Variants in OGA observed in about 807,000 individuals in gnomAD.
OGA encodes protein O-GlcNAcase.
A neutral mutation model predicts 102.0 loss-of-function variants in OGA; 21 were observed. The observed-to-expected ratio is 0.21, with a 90% CI of 0.15 to 0.30. The LOEUF (loss-of-function observed/expected upper bound fraction) is 0.30, where lower values mean the gene tolerates loss of function less well. Ranked by LOEUF, OGA falls within the 10% of genes least tolerant of loss-of-function variation. The probability of loss-of-function intolerance (pLI) is 1.00; values close to 1 mark genes in which losing one functional copy is unlikely to be tolerated. For missense variants in OGA, 765 were observed against 1,107.8 expected (o/e 0.69, Z 4.39); for synonymous variants, 408 against 378.2 (o/e 1.08, Z -0.91).
intron 6 of OGA, among the ~76,000 whole-genome samples, chr10:101,805,636 CA>C (rs2065459459): frequency 8.3e-6 from 1 of 120,386 alleles, no homozygotes; most frequent in Non-Finnish European, 1.6e-5. Flanking sequence ...GCCTGGGCAA[CA>C]AGAGCAATGC....
intron 14 of OGA, among the ~76,000 whole-genome samples, chr10:101,789,224 C>A (rs1247887158): frequency 6.6e-6 from 1 of 152,172 alleles, no homozygotes; most frequent in African/African-American, 2.4e-5. Flanking sequence ...TGAGGCCAGG[C>A]GCGGTGGCTC....
chr10:101,793,150 C>T (rs1010621679), intron 11 of OGA, among the ~76,000 whole-genome samples: 1 of 152,178 alleles, frequency 6.6e-6, no homozygotes, highest in African/African-American at 2.4e-5. Context: ...CTCTGAGTTA[C>T]AGCTTTAGTG....
chr10:101,785,999 C>T lies in OGA; in HGVS notation c.*452G>A, dbSNP rs894876533. 1.3e-5 allele frequency: 2 copies of T among 152,734 alleles called. No individual in the cohort carries two copies. The highest frequency in any genetic ancestry group is 2.4e-5 in the African/African-American group (1 of 41,460). The allele number at this position is 152,734 out of a possible 1,614,324, so 9.5% of individuals were successfully genotyped here. ...CACTTGGAATCACTCCACCCTGACA[C>T]TTCTGAAACCCACTCTTTCTTTCTT... On this transcript the variant is annotated 3_prime_UTR_variant, in exon 16 of 16. Transcript: ENST00000361464.
intron 10 of OGA, among the ~76,000 whole-genome samples, chr10:101,795,135 A>C (rs2065300235): frequency 6.6e-6 from 1 of 152,224 alleles, no homozygotes; most frequent in African/African-American, 2.4e-5. Context: ...AACCTGTCCC[A>C]TTCCGTAACT....
At chr10:101,804,634 A>G (rs1188431397) in intron 6 of OGA, among the ~76,000 whole-genome samples, 2 of 152,020 alleles carry the variant, frequency 1.3e-5, no homozygotes, top group Non-Finnish European at 2.9e-5. Context: ...TCTGTTACCC[A>G]GGCTGAAGTG....
chr10:101,792,382 T>C (rs2065269916), intron 12 of OGA, among the ~76,000 whole-genome samples: 1 of 152,058 alleles, frequency 6.6e-6, no homozygotes, highest in African/African-American at 2.4e-5. Flanking sequence ...CTCAGGTGAT[T>C]TGCCCACCTC....
intron 3 of OGA, 102 bp downstream of exon 3, chr10:101,812,928 A>G (rs767900052): frequency 2.0e-6 from 2 of 987,508 alleles, no homozygotes; most frequent in Non-Finnish European, 3.2e-6. Context: ...AACTACCTAC[A>G]AAATAAAAAT....
In OGA at chr10:101,799,306, T is replaced by G. The variant is rs1272468597; in HGVS notation, c.1345A>C (p.Thr449Pro). The stretch of plus-strand genomic sequence containing the variant: ...TTTTCTTCTTCCTTGGTCAGAGTAG[T>G]AGGCTCACCACTCAAGGCTGCTCCC... Reference protein sequence around the residue: ...SQGAALSGEPTTLTKEEEKKQ... With the variant: ...SQGAALSGEPPTLTKEEEKKQ... Residue 449 changes from threonine to proline, a missense_variant, in exon 9 of 16, where the codon ACT (threonine) becomes CCT (proline). Transcript: ENST00000361464. The G allele has an allele frequency of 4.3e-6, 7 of 1,614,178 alleles. No homozygotes were observed. The highest frequency in any genetic ancestry group is 5.9e-6 in the Non-Finnish European group (7 of 1,180,030).
At chr10:101,805,879 T>C (rs942134479) in intron 6 of OGA, among the ~76,000 whole-genome samples, 166 bp downstream of exon 6, 2 of 151,776 alleles carry the variant, frequency 1.3e-5, no homozygotes, top group East Asian at 3.9e-4. Flanking sequence ...GGTGTGAACC[T>C]GGGAGGCGGA....
chr10:101,812,883 A>G (rs1249012841), intron 3 of OGA, 147 bp downstream of exon 3: 4 of 727,600 alleles, frequency 5.5e-6, no homozygotes, highest in Non-Finnish European at 9.9e-6. Flanking sequence ...TTTCAATCTC[A>G]GCTAACTGAA....
chr10:101,810,934 G>A (rs1000234527), intron 3 of OGA, among the ~76,000 whole-genome samples: 1 of 151,400 alleles, frequency 6.6e-6, no homozygotes, highest in Non-Finnish European at 1.5e-5. Flanking sequence ...CAAGTGATCC[G>A]CCTGCCTTAG....
chr10:101,812,579 AT>A (rs1433631035), intron 3 of OGA, among the ~76,000 whole-genome samples: 9 of 152,212 alleles, frequency 5.9e-5, no homozygotes, highest in Non-Finnish European at 1.2e-4. Flanking sequence ...AAATTTTAGC[AT>A]TGTGTACATC....
Position 101,798,092 on chromosome 10 carries a change from C to T in OGA, c.1872G>A (p.Met624Ile). The T allele has an allele frequency of 6.2e-7, 1 of 1,614,124 alleles. No individual in the cohort carries two copies. Among genetic ancestry groups the T allele is most frequent in the Non-Finnish European group, 8.5e-7 (1 of 1,180,008 alleles). ...TGGCACAATTGGAGAGCCGAGTGAA[C>T]ATTCCCATCACTAGTCCACACATCT... ...FEEMCGLVMG[M>I]FTRLSNCANR... Residue 624 changes from methionine to isoleucine, a missense_variant, in exon 10 of 16, where the codon ATG becomes ATA. Met to Ile is a conservative substitution (Grantham distance 10). Coordinates refer to ENST00000361464, the MANE Select transcript of OGA (RefSeq NM_012215.5).
chr10:101,800,423 G>A lies in OGA; in HGVS notation c.1037-23C>T, dbSNP rs766592335. The A allele has an allele frequency of 4.4e-6, 7 of 1,589,596 alleles. No individual in the cohort carries two copies. In the South Asian group the frequency reaches 6.8e-5, roughly 15 times the overall value. ...CAGCTGCAAAAAATAAAATAAAAAAGCACAAAAATAGTTTTGATTACAAAA... is the reference window on the plus strand; with the variant it reads ...CAGCTGCAAAAAATAAAATAAAAAAACACAAAAATAGTTTTGATTACAAAA... On this transcript the variant is annotated intron_variant, in intron 7 of 15. Coordinates refer to ENST00000361464, the MANE Select transcript of OGA (RefSeq NM_012215.5).
chr10:101,812,770 C>A, intron 3 of OGA: 1 of 552,772 alleles, frequency 1.8e-6, no homozygotes. Context: ...AATCCACTGG[C>A]AGAAGTAAGC....
intron 1 of OGA, among the ~76,000 whole-genome samples, chr10:101,814,946 C>T (rs2065602955): frequency 6.6e-6 from 1 of 152,190 alleles, no homozygotes; most frequent in African/African-American, 2.4e-5. Flanking sequence ...TCAAACCACA[C>T]ACTTTACATC....
At chr10:101,809,571 C>T (rs2065523219) in intron 4 of OGA, among the ~76,000 whole-genome samples, 1 of 151,640 alleles carries the variant, frequency 6.6e-6, no homozygotes, top group Non-Finnish European at 1.5e-5. Flanking sequence ...TAAAAATTAG[C>T]CAGGCATGGT....
intron 1 of OGA, among the ~76,000 whole-genome samples, chr10:101,814,544 CG>C (rs747672131): frequency 4.6e-5 from 7 of 152,056 alleles, no homozygotes; most frequent in Non-Finnish European, 8.8e-5. Context: ...AGCCAAGATC[CG>C]CGCCATTGCA....
At chr10:101,792,421 G>C (rs2065270332) in intron 12 of OGA, among the ~76,000 whole-genome samples, 1 of 152,292 alleles carries the variant, frequency 6.6e-6, no homozygotes, top group South Asian at 2.1e-4. Flanking sequence ...GATTACAGAC[G>C]TGAGCCACCG....
Sources: allele counts gnomAD v4.1 joint callset (sites outside exome capture counted in the v4.1 genomes callset), GRCh38; gene constraint gnomAD v4.1.1; transcripts MANE v1.5; gene names NCBI Gene and HGNC (gene_info 2026-07-23, HGNC 2026-07-21).